Variants in AUTS2 observed in about 807,000 individuals in gnomAD.
AUTS2 encodes the protein autism susceptibility gene 2 protein.
A neutral mutation model predicts 112.4 loss-of-function variants in AUTS2; 17 were observed. The observed-to-expected ratio is 0.15, with a 90% CI of 0.10 to 0.23. The LOEUF (loss-of-function observed/expected upper bound fraction) is 0.23. AUTS2 is among the 10% of genes least tolerant of loss of function. The pLI is 1.00. For missense variants in AUTS2, 1,510 were observed against 1,701.6 expected (o/e 0.89, Z 1.98); for synonymous variants, 751 against 702.7 (o/e 1.07, Z -1.09).
chr7:69,630,364 G>GT (rs1794172092), intron 1 of AUTS2, among the ~76,000 whole-genome samples: 1 of 152,220 alleles, frequency 6.6e-6, no homozygotes. Flanking sequence ...ATTTGAGTCT[G>GT]TGGGAGTCGG....
intron 5 of AUTS2, among the ~76,000 whole-genome samples, chr7:70,590,591 C>T (rs532278653): frequency 1.2e-4 from 18 of 152,132 alleles, no homozygotes; most frequent in African/African-American, 1.4e-4. Context: ...ACCTTTGAGC[C>T]GGTCATCATA....
intron 5 of AUTS2, among the ~76,000 whole-genome samples, chr7:70,580,386 A>G (rs963368558): frequency 1.3e-5 from 2 of 152,244 alleles, no homozygotes; most frequent in South Asian, 2.1e-4. Flanking sequence ...ACCAGGTACC[A>G]TGTTTCCTAT....
At chr7:69,980,456 A>G (rs908702925) in intron 2 of AUTS2, among the ~76,000 whole-genome samples, 1 of 152,154 alleles carries the variant, frequency 6.6e-6, no homozygotes, top group Admixed American at 6.5e-5. Context: ...AAGGCATTCA[A>G]ATTGCATTCA....
chr7:70,583,786 A>C (rs1802565524), intron 5 of AUTS2, among the ~76,000 whole-genome samples: 1 of 152,212 alleles, frequency 6.6e-6, no homozygotes, highest in South Asian at 2.1e-4. Context: ...AAAGCAAAAA[A>C]AACTGCCTTC....
intron 1 of AUTS2, among the ~76,000 whole-genome samples, chr7:69,897,942 G>A (rs1367579063): frequency 2.0e-5 from 3 of 151,934 alleles, no homozygotes; most frequent in East Asian, 1.9e-4. Flanking sequence ...GAAAGAGAGC[G>A]GTATTTTAAG....
At chr7:70,600,595 A>G (rs1362237334) in intron 5 of AUTS2, among the ~76,000 whole-genome samples, 2 of 152,108 alleles carry the variant, frequency 1.3e-5, no homozygotes, top group African/African-American at 4.8e-5. Context: ...AATTTTTAGT[A>G]TATTTATAAC....
At chr7:69,810,302 A>T (rs900770860) in intron 1 of AUTS2, among the ~76,000 whole-genome samples, 1 of 152,208 alleles carries the variant, frequency 6.6e-6, no homozygotes, top group Non-Finnish European at 1.5e-5. Context: ...TCTGAGCCTC[A>T]GATTCTTCGT....
intron 1 of AUTS2, among the ~76,000 whole-genome samples, chr7:69,654,718 T>C (rs1335887327): frequency 6.6e-6 from 1 of 152,078 alleles, no homozygotes; most frequent in African/African-American, 2.4e-5. Context: ...TTTTCCTGTT[T>C]GAGATATCTA....
intron 5 of AUTS2, among the ~76,000 whole-genome samples, chr7:70,500,943 G>A (rs917201172): frequency 3.0e-4 from 46 of 151,854 alleles, no homozygotes; most frequent in African/African-American, 9.2e-4. Flanking sequence ...GGCTGGTCTC[G>A]AACTCCTGAC....
intron 2 of AUTS2, among the ~76,000 whole-genome samples, chr7:69,940,279 T>G (rs1460175408): frequency 6.6e-6 from 1 of 152,174 alleles, no homozygotes. Flanking sequence ...TGGTGAGTTC[T>G]GTAGGAGTCT....
At chr7:70,111,257 C>A (rs530767088) in intron 2 of AUTS2, among the ~76,000 whole-genome samples, 110 of 152,160 alleles carry the variant, frequency 7.2e-4, no homozygotes, top group African/African-American at 2.6e-3. Flanking sequence ...TTATTTACTC[C>A]CATGTTTTCT....
chr7:70,250,667 A>G (rs1786542182), intron 4 of AUTS2, among the ~76,000 whole-genome samples: 1 of 152,228 alleles, frequency 6.6e-6, no homozygotes, highest in Non-Finnish European at 1.5e-5. Context: ...CATATACATC[A>G]TGGAACACCA....
chr7:70,467,833 T>C (rs4718954), intron 5 of AUTS2, among the ~76,000 whole-genome samples: 2 of 152,214 alleles, frequency 1.3e-5, no homozygotes, highest in African/African-American at 4.8e-5. Flanking sequence ...GCACCTCTGA[T>C]AGATTCTTGA....
At chr7:69,814,572 G>A (rs891239144) in intron 1 of AUTS2, among the ~76,000 whole-genome samples, 1 of 152,258 alleles carries the variant, frequency 6.6e-6, no homozygotes, top group Admixed American at 6.5e-5. Context: ...GCCCTGCACA[G>A]TCTGGAGCCG....
chr7:70,138,190 C>T (rs1806672512), intron 4 of AUTS2, among the ~76,000 whole-genome samples: 1 of 152,162 alleles, frequency 6.6e-6, no homozygotes, highest in Non-Finnish European at 1.5e-5. Context: ...CAATATATTC[C>T]ACTTTTATGA....
rs1186458503 is a variant in AUTS2, at chr7:70,435,606, A to C, written c.661-146A>C. The C allele has an allele frequency of 5.1e-6, 4 of 785,822 alleles. No individual in the cohort carries two copies. The Admixed American group carries it at 9.4e-5, about 18-fold the overall frequency. 48.7% of individuals were successfully genotyped at this position (785,822 alleles called of 1,614,324 possible). ...TGTTTACTAGCACTTGAACTGGAGAAACTCTTTCTTTCCAGGAAGACAGCA... is the reference window on the plus strand; with the variant it reads ...TGTTTACTAGCACTTGAACTGGAGACACTCTTTCTTTCCAGGAAGACAGCA... On this transcript the variant is annotated intron_variant, in intron 4 of 18. Transcript: ENST00000342771.
chr7:70,349,217 G>C (rs191815333), intron 4 of AUTS2, among the ~76,000 whole-genome samples: 1 of 152,118 alleles, frequency 6.6e-6, no homozygotes, highest in Non-Finnish European at 1.5e-5. Context: ...CCTCTTCCTG[G>C]GTCTAATTCA....
intron 1 of AUTS2, among the ~76,000 whole-genome samples, chr7:69,615,079 A>T (rs1482383037): frequency 6.6e-6 from 1 of 152,166 alleles, no homozygotes; most frequent in Non-Finnish European, 1.5e-5. Context: ...CAAGTTCTAT[A>T]TTGACTCTAG....
At chr7:69,940,693 A>G (rs1382227351) in intron 2 of AUTS2, among the ~76,000 whole-genome samples, 1 of 152,204 alleles carries the variant, frequency 6.6e-6, no homozygotes, top group East Asian at 1.9e-4. Flanking sequence ...TGATGTGTCT[A>G]AGTCATAGAG....
Sources: allele counts gnomAD v4.1 joint callset (sites outside exome capture counted in the v4.1 genomes callset), GRCh38; gene constraint gnomAD v4.1.1; transcripts MANE v1.5; gene names NCBI Gene and HGNC (gene_info 2026-07-23, HGNC 2026-07-21).